Variants in HECW1 observed in about 807,000 individuals in gnomAD.
HECW1 encodes the protein HECT, C2 and WW domain containing E3 ubiquitin protein ligase 1, also known as E3 ubiquitin-protein ligase HECW1.
Under a neutral mutation model 182.3 loss-of-function variants are expected in HECW1, and 61 were observed. The ratio of observed to expected loss-of-function variants is 0.33; its 90% CI spans 0.27 to 0.41. The LOEUF is 0.41. Ranked by LOEUF, HECW1 falls within the 10% of genes least tolerant of loss-of-function variation. HECW1 has a pLI of 1.00. For missense variants in HECW1, 1,739 were observed against 2,108.9 expected (o/e 0.82, Z 3.44); for synonymous variants, 859 against 832.6 (o/e 1.03, Z -0.55).
chr7:43,119,876 C>T (rs146718643), intron 2 of HECW1, among the ~76,000 whole-genome samples: 2,302 of 152,278 alleles, frequency 0.015, 63 homozygotes, highest in African/African-American at 0.053. Context: ...CCCGTCTAAG[C>T]GCTAGTAAGC....
rs373646359 is a variant in HECW1 at position 43,463,720 on chromosome 7, A to G, written c.2712A>G (p.Gln904=). The G allele has an allele frequency of 6.2e-7, 1 of 1,613,990 alleles. No individual in the cohort carries two copies. The highest frequency in any genetic ancestry group is 1.6e-4 in the Middle Eastern group (1 of 6,062). ...TERSEEDSGS[Q]SCEQAPAGGG... ...GGTCCGAAGAAGATTCTGGCAGCCA[A>G]AGCTGCGAGCAAGCCCCAGCAGGAG... The change falls in exon 14 of 30, where the codon CAA becomes CAG. Residue 904 remains glutamine (Q), a synonymous_variant. Coordinates refer to ENST00000395891, the MANE Select transcript of HECW1 (RefSeq NM_015052.5).
At chr7:43,286,270 T>G (rs1461396214) in intron 3 of HECW1, among the ~76,000 whole-genome samples, 1 of 152,150 alleles carries the variant, frequency 6.6e-6, no homozygotes, top group Non-Finnish European at 1.5e-5. Context: ...GATCCAACTA[T>G]TGGGACCACA....
chr7:43,331,255 G>T (rs575963387), intron 5 of HECW1, among the ~76,000 whole-genome samples: 2 of 151,820 alleles, frequency 1.3e-5, no homozygotes, highest in African/African-American at 4.8e-5. Flanking sequence ...CTGTCCTTGC[G>T]ATAGTTTGCT....
rs566195468 is a variant in HECW1, at chr7:43,279,581, C to T, written c.28-32182C>T. Reference sequence around the variant, plus strand: ...CCTGTTGGGAATTCCCATCTTCATACCTTTGCACAGGCTATGCGTCTGCCT... The same window carrying T: ...CCTGTTGGGAATTCCCATCTTCATATCTTTGCACAGGCTATGCGTCTGCCT... On this transcript the variant is annotated intron_variant, in intron 3 of 29. Coordinates refer to ENST00000395891, the MANE Select transcript of HECW1 (RefSeq NM_015052.5). 2.6e-5 allele frequency among the ~76,000 whole-genome samples: 4 copies of T among 152,238 alleles called. No individual in the cohort carries two copies. In the East Asian group the frequency reaches 7.7e-4, roughly 29 times the overall value.
chr7:43,376,808 G>A (rs2074348413), intron 6 of HECW1, among the ~76,000 whole-genome samples: 1 of 152,066 alleles, frequency 6.6e-6, no homozygotes, highest in Admixed American at 6.5e-5. Flanking sequence ...AGAGGTTGCA[G>A]TGAGCCGAGA....
At chr7:43,133,367 A>G (rs1049840466) in intron 2 of HECW1, among the ~76,000 whole-genome samples, 1 of 152,028 alleles carries the variant, frequency 6.6e-6, no homozygotes, top group East Asian at 1.9e-4. Flanking sequence ...ATATCATGTG[A>G]TTATTATTCC....
intron 25 of HECW1, 98 bp downstream of exon 25, chr7:43,541,359 C>G: frequency 1.1e-6 from 1 of 892,432 alleles, no homozygotes; most frequent in Non-Finnish European, 1.9e-6. Context: ...ACTATTTTGC[C>G]CTAACCATTC....
chr7:43,404,733 A>G (rs983923854), intron 7 of HECW1, among the ~76,000 whole-genome samples: 2 of 152,146 alleles, frequency 1.3e-5, no homozygotes, highest in African/African-American at 4.8e-5. Context: ...TAATCCCAGC[A>G]CTTTGGGAGG....
intron 2 of HECW1, among the ~76,000 whole-genome samples, chr7:43,190,306 G>C (rs1288761428): frequency 6.6e-6 from 1 of 152,140 alleles, no homozygotes; most frequent in Non-Finnish European, 1.5e-5. Context: ...TAGAGATGGG[G>C]TTTTACCATG....
rs377093798 is a variant in HECW1, at chr7:43,189,047, G to A, written c.-31-54828G>A. Among the ~76,000 whole-genome samples, 25 of 152,246 alleles carry A rather than the reference G, an allele frequency of 1.6e-4. No individual in the cohort carries two copies. In the South Asian group the frequency reaches 3.7e-3, roughly 23 times the overall value. Reference sequence around the variant, plus strand: ...CACTCGGCTAATCTTACACTCGTTCGCTTCCTTTCTCACGGTTGAGTTGAA... The same window carrying A: ...CACTCGGCTAATCTTACACTCGTTCACTTCCTTTCTCACGGTTGAGTTGAA... On this transcript the variant is annotated intron_variant, in intron 2 of 29. Transcript: ENST00000395891.
At chr7:43,321,404 C>G (rs1424036723) in intron 5 of HECW1, among the ~76,000 whole-genome samples, 2 of 152,132 alleles carry the variant, frequency 1.3e-5, no homozygotes, top group African/African-American at 4.8e-5. Context: ...GGTCCCCATA[C>G]TGGTGTATTT....
chr7:43,528,598 T>A (rs2080855839), intron 24 of HECW1, among the ~76,000 whole-genome samples: 1 of 152,158 alleles, frequency 6.6e-6, no homozygotes, highest in African/African-American at 2.4e-5. Flanking sequence ...GAGGGTTTGT[T>A]AAGAGTCTGC....
At chr7:43,454,187 C>T (rs887005210) in intron 12 of HECW1, among the ~76,000 whole-genome samples, 1 of 152,208 alleles carries the variant, frequency 6.6e-6, no homozygotes, top group Non-Finnish European at 1.5e-5. Context: ...ACTGTAGGTT[C>T]CTGGAGGGCA....
rs931702222 is a variant in HECW1, at chr7:43,243,778, C to T, written c.-31-97C>T. The T allele has an allele frequency of 7.4e-5, 70 of 943,758 alleles. 1 individual carries two copies. In the Middle Eastern group the frequency reaches 1.1e-3, roughly 14 times the overall value. The allele number at this position is 943,758 out of a possible 1,614,324, so 58.5% of individuals were successfully genotyped here. A position where few individuals can be genotyped will look rare whatever the true frequency, so the allele number is the denominator to read the frequency against. ...CGGTTGCCCAGGCCAGGTATCTTGG[C>T]GGGGGTGGGGGAAACAATGTTGTTT... On this transcript the variant is annotated intron_variant, in intron 2 of 29. Transcript: ENST00000395891. This position sits in a 1 kb window ranked among gnomAD's most constrained non-coding sequence, Gnocchi z 4.0.
At chr7:43,145,872 G>A (rs1213842226) in intron 2 of HECW1, among the ~76,000 whole-genome samples, 2 of 152,138 alleles carry the variant, frequency 1.3e-5, no homozygotes, top group Non-Finnish European at 2.9e-5. Flanking sequence ...GTTGACTTGG[G>A]TCTACCACTT....
chr7:43,164,209 C>T (rs1790853517), intron 2 of HECW1, among the ~76,000 whole-genome samples: 2 of 152,144 alleles, frequency 1.3e-5, no homozygotes, highest in African/African-American at 4.8e-5. Flanking sequence ...TCTGCATGGG[C>T]TGGAGACAGG....
At position 43,165,397 on chromosome 7, in the gene HECW1, CG is replaced by C. The variant is rs11451295; in HGVS notation, c.-32+51015del. 1.6e-3 allele frequency among the ~76,000 whole-genome samples: 217 copies of C among 137,122 alleles called. 6 individuals are homozygous for C. Among genetic ancestry groups the C allele is most frequent in the African/African-American group, 5.3e-3 (184 of 34,814 alleles). The allele number at this position is 137,122 out of a possible 152,430, so 90.0% of individuals were successfully genotyped here. A position where few individuals can be genotyped will look rare whatever the true frequency, so the allele number is the denominator to read the frequency against. ...AATGCAAAGGACACTGGGCTTTTGG[CG>C]GGGGGGGGTGTTTGTGTGTGTGCAC... On this transcript the variant is annotated intron_variant, in intron 2 of 29. Transcript: ENST00000395891.
rs1447983925 is a variant in HECW1, at chr7:43,432,327, G to C, written c.802-5676G>C. Among the ~76,000 whole-genome samples the C allele has an allele frequency of 2.0e-5, 3 of 151,152 alleles. No homozygotes were observed. Among genetic ancestry groups the C allele is most frequent in the Admixed American group, 6.6e-5 (1 of 15,192 alleles). On this transcript the variant is annotated intron_variant, in intron 8 of 29. Transcript: ENST00000395891. The surrounding 1 kb of genome is among the most constrained non-coding windows in gnomAD (Gnocchi z 4.1). The stretch of plus-strand genomic sequence containing the variant: ...GCTAATTTTTTGTATTTTTAGTAGA[G>C]ACGGGGTTTCACCGTTTTAGCCGGG...
chr7:43,167,250 C>T (rs1372417587), intron 2 of HECW1, among the ~76,000 whole-genome samples: 1 of 152,136 alleles, frequency 6.6e-6, no homozygotes, highest in Non-Finnish European at 1.5e-5. Context: ...TTTGTGGCCA[C>T]ATAACTCCAG....
Sources: allele counts gnomAD v4.1 joint callset (sites outside exome capture counted in the v4.1 genomes callset), GRCh38; gene constraint gnomAD v4.1.1; non-coding constraint Gnocchi (gnomAD v3.1); transcripts MANE v1.5; gene names NCBI Gene and HGNC (gene_info 2026-07-23, HGNC 2026-07-21).